Variants in FAM53C observed in about 807,000 individuals in gnomAD.
The protein encoded by FAM53C is protein FAM53C.
In FAM53C, 10 loss-of-function variants were observed where a neutral mutation model predicts 34.7. The observed-to-expected ratio is 0.29, with a 90% CI of 0.18 to 0.49. The LOEUF is 0.49. Among genes scored for constraint, FAM53C ranks in the 20% least tolerant of loss-of-function variants. The pLI is 0.99. For synonymous variants in FAM53C, 203 were observed against 203.6 expected (o/e 1.00, Z 0.03); for missense variants, 442 against 515.3 (o/e 0.86, Z 1.38).
chr5:138,340,516 T>C (rs1300817007), intron 1 of FAM53C, among the ~76,000 whole-genome samples: 2 of 152,248 alleles, frequency 1.3e-5, no homozygotes, highest in African/African-American at 2.4e-5. Context: ...ACTGTATCCA[T>C]GGACTTTGCA....
chr5:138,344,430 C>T (rs1230898715), intron 3 of FAM53C, among the ~76,000 whole-genome samples: 4 of 152,138 alleles, frequency 2.6e-5, no homozygotes, highest in Admixed American at 1.3e-4. Flanking sequence ...GGGGGAGGGG[C>T]GAGGGAGAGA....
rs902692931 is a variant in FAM53C, at chr5:138,345,689, T to G, written c.921+80T>G. ...TCCACTTTTGAGCTAGCCCCTAGCTTCATTACCCTGCCGCCCCCACCACCA... is the reference window on the plus strand; with the variant it reads ...TCCACTTTTGAGCTAGCCCCTAGCTGCATTACCCTGCCGCCCCCACCACCA... On this transcript the variant is annotated intron_variant, in intron 4 of 4. Transcript: ENST00000239906. This position sits in a 1 kb window ranked among gnomAD's most constrained non-coding sequence, Gnocchi z 6.3. 2.7e-6 allele frequency: 4 copies of G among 1,480,474 alleles called. No homozygotes were observed. The African/African-American group carries it at 5.6e-5, about 21-fold the overall frequency. 91.7% of individuals were successfully genotyped at this position (1,480,474 alleles called of 1,614,324 possible).
chr5:138,342,355 T>C (rs1761057559), intron 3 of FAM53C: 1 of 153,278 alleles, frequency 6.5e-6, no homozygotes, highest in African/African-American at 2.4e-5. Context: ...ACATGTGCCA[T>C]GGTGGTTAGC....
intron 3 of FAM53C, among the ~76,000 whole-genome samples, chr5:138,344,162 G>C (rs1436599376): frequency 6.6e-6 from 1 of 152,204 alleles, no homozygotes; most frequent in Non-Finnish European, 1.5e-5. Context: ...TAGGGGAAGG[G>C]AATCGGAATA....
At position 138,345,719 on chromosome 5, in the gene FAM53C, C is replaced by A; in HGVS notation, c.921+110C>A. The A allele has an allele frequency of 7.8e-7, 1 of 1,287,582 alleles. No homozygotes were observed. Among genetic ancestry groups the A allele is most frequent in the Non-Finnish European group, 1.1e-6 (1 of 934,268 alleles). 79.8% of individuals were successfully genotyped at this position (1,287,582 alleles called of 1,614,324 possible). On this transcript the variant is annotated intron_variant, in intron 4 of 4. Transcript: ENST00000239906. The surrounding 1 kb of genome is among the most constrained non-coding windows in gnomAD (Gnocchi z 6.3). Reference sequence around the variant, plus strand: ...ACCCTGCCGCCCCCACCACCAACAGCACCTCCTTTAGCTCTTAGCTAGGGT... The same window carrying A: ...ACCCTGCCGCCCCCACCACCAACAGAACCTCCTTTAGCTCTTAGCTAGGGT...
upstream of FAM53C, chr5:138,337,730 G>C: frequency 3.0e-6 from 1 of 338,522 alleles, no homozygotes; most frequent in South Asian, 2.3e-5. Context: ...GGGACTCCGA[G>C]CAGGCCCTAA....
rs1201263369 is a variant in FAM53C, at chr5:138,346,955, A to G, written c.1175A>G (p.Asn392Ser). The G allele has an allele frequency of 6.2e-7, 1 of 1,614,086 alleles. No homozygotes were observed. Residue 392 changes from asparagine to serine, a missense_variant, in exon 5 of 5, where the codon AAC becomes AGC. Transcript: ENST00000239906. ...GDLDLNLIEE[N>S] ...CTGGACTTGAATTTGATTGAGGAAA[A>G]CTAAAACTGAGAGGCTACTTCCTGG...
At position 138,348,485 on chromosome 5, in the gene FAM53C, G is replaced by A. The variant is rs2126893169; in HGVS notation, c.*1526G>A. ...ACCTGCCCTTGTTTATGGCAAGAAG[G>A]GCATTTTTCTCTTCAATTTCCAGGG... On this transcript the variant is annotated 3_prime_UTR_variant, in exon 5 of 5. Coordinates refer to ENST00000239906, the MANE Select transcript of FAM53C (RefSeq NM_016605.3). 6.6e-6 allele frequency: 1 copy of A among 152,266 alleles called. No individual in the cohort carries two copies. The highest frequency in any genetic ancestry group is 1.9e-4 in the East Asian group (1 of 5,180). 9.4% of individuals were successfully genotyped at this position (152,266 alleles called of 1,614,324 possible). A position where few individuals can be genotyped will look rare whatever the true frequency, so the allele number is the denominator to read the frequency against.
intron 2 of FAM53C, 104 bp from the exon 3 acceptor site, chr5:138,341,705 A>G (rs773697774): frequency 4.9e-6 from 5 of 1,021,458 alleles, no homozygotes; most frequent in Non-Finnish European, 7.8e-6. Context: ...TGTCCCTAAC[A>G]TCCCTGTAGC....
Position 138,346,749 on chromosome 5 carries a change from CA to C in FAM53C, c.970del (p.Ser324AlafsTer30). 1 of 1,614,170 alleles carries C rather than the reference CA, an allele frequency of 6.2e-7. No individual in the cohort carries two copies. The highest frequency in any genetic ancestry group is 8.5e-7 in the Non-Finnish European group (1 of 1,180,030). On this transcript the variant is annotated frameshift_variant, in exon 5 of 5. Transcript: ENST00000239906. LOFTEE classifies it high-confidence loss of function. ...GTCTCCAAGAAACAGCCCGGGAAGG[CA>C]GCAGCATCTCTCCACCATGGTTCAT... is the stretch of plus-strand genomic sequence containing the variant. The part of the protein sequence containing the change: ...LCLQETAREG[S>X]SISPPWFMAC...
upstream of FAM53C, chr5:138,338,255 A>G (rs1316777885): frequency 9.0e-7 from 1 of 1,107,390 alleles, no homozygotes; most frequent in East Asian, 5.9e-5. Flanking sequence ...CGTGGGGCGA[A>G]CCGAGCGCTC....
chr5:138,338,635 C>T (rs1030700452), intron 1 of FAM53C, among the ~76,000 whole-genome samples: 5 of 151,502 alleles, frequency 3.3e-5, no homozygotes, highest in Non-Finnish European at 5.9e-5. Flanking sequence ...ATGCCCCACC[C>T]CGCGGGGACA....
Position 138,345,696 on chromosome 5 carries a change from C to A in FAM53C, c.921+87C>A. Reference sequence around the variant, plus strand: ...TTGAGCTAGCCCCTAGCTTCATTACCCTGCCGCCCCCACCACCAACAGCAC... The same window carrying A: ...TTGAGCTAGCCCCTAGCTTCATTACACTGCCGCCCCCACCACCAACAGCAC... On this transcript the variant is annotated intron_variant, in intron 4 of 4. Coordinates refer to ENST00000239906, the MANE Select transcript of FAM53C (RefSeq NM_016605.3). This position sits in a 1 kb window ranked among gnomAD's most constrained non-coding sequence, Gnocchi z 6.3. 1 of 1,444,590 alleles carries A rather than the reference C, an allele frequency of 6.9e-7. No individual in the cohort carries two copies. Among genetic ancestry groups the A allele is most frequent in the Non-Finnish European group, 9.4e-7 (1 of 1,067,972 alleles). 89.5% of individuals were successfully genotyped at this position (1,444,590 alleles called of 1,614,324 possible).
At chr5:138,338,605 C>T (rs1760903695) in intron 1 of FAM53C, among the ~76,000 whole-genome samples, 1 of 147,610 alleles carries the variant, frequency 6.8e-6, no homozygotes, top group Non-Finnish European at 1.5e-5. Context: ...CCCCCCGCCC[C>T]GGGGACCAGC....
At chr5:138,337,711 G>A (rs575532143), upstream of FAM53C, 19 of 333,748 alleles carry the variant, frequency 5.7e-5, no homozygotes, top group South Asian at 3.3e-4. Context: ...AGCTGCAAGA[G>A]GGGCTCCTGG....
Position 138,347,093 on chromosome 5 carries a change from A to G in FAM53C, c.*134A>G, listed in dbSNP as rs1198510424. 4 of 1,243,844 alleles carry G rather than the reference A, an allele frequency of 3.2e-6. No homozygotes were observed. In the African/African-American group the frequency reaches 6.0e-5, roughly 19 times the overall value. 77.1% of individuals were successfully genotyped at this position (1,243,844 alleles called of 1,614,324 possible). On this transcript the variant is annotated 3_prime_UTR_variant, in exon 5 of 5. Transcript: ENST00000239906. ...GGGCTCCGACTCAGGGCAGCTGGAA[A>G]TCTTCTCGCTCCAGCAAGCTCGACC...
At chr5:138,338,386 T>C (rs901238576) in intron 1 of FAM53C, 79 bp downstream of exon 1, 1 of 361,882 alleles carries the variant, frequency 2.8e-6, no homozygotes, top group Non-Finnish European at 5.4e-6. Context: ...CTCTTTCCCC[T>C]CCCCCAGCCC....
intron 1 of FAM53C, 167 bp downstream of exon 1, chr5:138,338,474 G>A (rs1254851545): frequency 3.0e-6 from 1 of 329,200 alleles, no homozygotes; most frequent in Admixed American, 4.3e-5. Context: ...GGGTGGCGGA[G>A]TGCTAAGTCC....
In FAM53C at chr5:138,338,289, G is replaced by C. The variant is rs373368787; in HGVS notation, c.-171G>C. 3 of 751,940 alleles carry C rather than the reference G, an allele frequency of 4.0e-6. No individual in the cohort carries two copies. Among genetic ancestry groups the C allele is most frequent in the East Asian group, 6.5e-5 (1 of 15,400 alleles). The allele number at this position is 751,940 out of a possible 1,614,324, so 46.6% of individuals were successfully genotyped here. ...TCAGAGCTGCTCCGGCCGCGGCCCTGGGAGCTGGAGGAACCGCGGTAGGTG... is the reference window on the plus strand; with the variant it reads ...TCAGAGCTGCTCCGGCCGCGGCCCTCGGAGCTGGAGGAACCGCGGTAGGTG... On this transcript the variant is annotated 5_prime_UTR_variant, in exon 1 of 5. Transcript: ENST00000239906.
Sources: allele counts gnomAD v4.1 joint callset (sites outside exome capture counted in the v4.1 genomes callset), GRCh38; gene constraint gnomAD v4.1.1; non-coding constraint Gnocchi (gnomAD v3.1); transcripts MANE v1.5; gene names NCBI Gene and HGNC (gene_info 2026-07-23, HGNC 2026-07-21).